Variants in UNC80 observed in about 807,000 individuals in gnomAD.
UNC80 encodes protein unc-80 homolog.
A neutral mutation model predicts 384.6 loss-of-function variants in UNC80; 164 were observed. The observed-to-expected ratio is 0.43, with a 90% confidence interval of 0.38 to 0.49. The LOEUF (loss-of-function observed/expected upper bound fraction) is 0.49. Among genes scored for constraint, UNC80 ranks in the 20% least tolerant of loss-of-function variants. The probability of loss-of-function intolerance (pLI) is 0.00; values close to 1 mark genes in which losing one functional copy is unlikely to be tolerated. For synonymous variants in UNC80, 1,486 were observed against 1,527.8 expected (o/e 0.97, Z 0.64); for missense variants, 3,330 against 4,143.0 (o/e 0.80, Z 5.39).
At chr2:209,772,223 G>T (rs1302354358) in intron 1 of UNC80, 59 bp downstream of exon 1, 3 of 1,068,226 alleles carry the variant, frequency 2.8e-6, no homozygotes, top group South Asian at 8.2e-5. Context: ...TCCTGGGGCC[G>T]CCCGGGTCGC....
At chr2:209,969,611 C>G in intron 52 of UNC80, 157 bp from the exon 53 acceptor site, 1 of 984,122 alleles carries the variant, frequency 1.0e-6, no homozygotes, top group Non-Finnish European at 1.4e-6. Flanking sequence ...ATCTTCTTCC[C>G]CTCCCAGTAT....
chr2:209,864,059 G>A (rs755090083), intron 22 of UNC80, among the ~76,000 whole-genome samples: 1 of 151,732 alleles, frequency 6.6e-6, no homozygotes, highest in Non-Finnish European at 1.5e-5. Flanking sequence ...TGCTGTTGTT[G>A]TTGCCTTCTG....
At chr2:209,884,818 G>C (rs2085626715) in intron 25 of UNC80, among the ~76,000 whole-genome samples, 1 of 152,080 alleles carries the variant, frequency 6.6e-6, no homozygotes, top group South Asian at 2.1e-4. Context: ...AACACCGCAT[G>C]TTCTCACTTA....
In UNC80 at chr2:209,996,593, A is replaced by G. The variant is rs2093486776; in HGVS notation, c.*998A>G. ...ACAATATTCTTATGATACTTGGAAC[A>G]TCTAAGTTTATAAGGAAAAATGTAT... On this transcript the variant is annotated 3_prime_UTR_variant, in exon 65 of 65. Transcript: ENST00000673920. 2 of 152,238 alleles carry G rather than the reference A, an allele frequency of 1.3e-5. No individual in the cohort carries two copies. The highest frequency in any genetic ancestry group is 4.1e-4 in the South Asian group (2 of 4,838). The allele number at this position is 152,238 out of a possible 1,614,324, so 9.4% of individuals were successfully genotyped here.
intron 4 of UNC80, among the ~76,000 whole-genome samples, chr2:209,784,831 T>C (rs1352206179): frequency 1.3e-5 from 2 of 152,238 alleles, no homozygotes; most frequent in African/African-American, 4.8e-5. Context: ...TTTAGCCAAA[T>C]GCTTTATGTG....
chr2:209,844,300 A>G (rs1223022162), intron 21 of UNC80, among the ~76,000 whole-genome samples: 1 of 152,166 alleles, frequency 6.6e-6, no homozygotes, highest in Non-Finnish European at 1.5e-5. Flanking sequence ...GCACTAAAGT[A>G]TAACTGAGGC....
chr2:209,958,328 AG>A (rs2092479189), intron 49 of UNC80, among the ~76,000 whole-genome samples: 1 of 152,180 alleles, frequency 6.6e-6, no homozygotes, highest in Non-Finnish European at 1.5e-5. Flanking sequence ...TCCTCCTACA[AG>A]GAAGATTTAA....
chr2:209,808,752 G>A, intron 7 of UNC80: 2 of 41,696 alleles, frequency 4.8e-5, no homozygotes, highest in Non-Finnish European at 7.7e-5. Context: ...CTAGTGAGTG[G>A]GTCGCCTGCG....
At chr2:209,914,135 C>T (rs1429108701) in intron 31 of UNC80, among the ~76,000 whole-genome samples, 195 bp downstream of exon 31, 1 of 152,192 alleles carries the variant, frequency 6.6e-6, no homozygotes, top group African/African-American at 2.4e-5. Context: ...CCAATTTCAC[C>T]ATATGGTCTG....
chr2:209,988,275 C>T (rs1296984490), intron 61 of UNC80, among the ~76,000 whole-genome samples: 3 of 152,112 alleles, frequency 2.0e-5, no homozygotes, highest in Non-Finnish European at 4.4e-5. Flanking sequence ...CTACATTTCT[C>T]TAAACCATAT....
chr2:209,931,729 C>A (rs2090891614), intron 38 of UNC80, among the ~76,000 whole-genome samples: 1 of 152,170 alleles, frequency 6.6e-6, no homozygotes, highest in African/African-American at 2.4e-5. Flanking sequence ...CACCACAACC[C>A]CCATGTGCAG....
At chr2:209,861,033 C>G (rs1000400865) in intron 22 of UNC80, among the ~76,000 whole-genome samples, 9 of 152,078 alleles carry the variant, frequency 5.9e-5, no homozygotes, top group African/African-American at 7.2e-5. Flanking sequence ...ATTTTAATAC[C>G]CCTTATTTCT....
chr2:209,954,151 G>A lies in UNC80; in HGVS notation c.7338G>A (p.Lys2446=). 6.4e-7 allele frequency: 1 copy of A among 1,551,102 alleles called. No homozygotes were observed. The highest frequency in any genetic ancestry group is 8.7e-7 in the Non-Finnish European group (1 of 1,146,922). ...CCTTAGTTCCATGTTACCTACAAAAGCTAAAGAGGCAGACATCACAGGTGG... is the reference window on the plus strand; with the variant it reads ...CCTTAGTTCCATGTTACCTACAAAAACTAAAGAGGCAGACATCACAGGTGG... ...LEALVPCYLQ[K]LKRQTSQVET... Residue 2446 remains lysine, a synonymous_variant, in exon 48 of 65, where the codon AAG becomes AAA. Coordinates refer to ENST00000673920, the MANE Select transcript of UNC80 (RefSeq NM_001371986.1).
In UNC80 at chr2:209,849,531, C is replaced by A. The variant is rs1467630889; in HGVS notation, c.3535C>A (p.Arg1179=). ...SKNVVNLGAI[R]QGMKRFQFLL... is the part of the protein sequence containing the mutation. The stretch of plus-strand genomic sequence containing the variant: ...AAACGTGGTGAATCTTGGAGCAATC[C>A]GACAAGGCATGAAACGCTTCCAATT... Residue 1179 remains arginine (R), a synonymous_variant, in exon 22 of 65, where the codon CGA becomes AGA. Transcript: ENST00000673920. 3 of 1,550,910 alleles carry A rather than the reference C, an allele frequency of 1.9e-6. No individual in the cohort carries two copies. The highest frequency in any genetic ancestry group is 8.7e-7 in the Non-Finnish European group (1 of 1,146,526).
At chr2:209,841,884 TAGAA>T (rs1374557372) in intron 20 of UNC80, among the ~76,000 whole-genome samples, 2 of 152,188 alleles carry the variant, frequency 1.3e-5, no homozygotes, top group South Asian at 2.1e-4. Flanking sequence ...TTTTAATTCT[TAGAA>T]AGAGAAACAT....
chr2:209,823,336 G>A (rs2080273000), intron 13 of UNC80, among the ~76,000 whole-genome samples: 1 of 152,148 alleles, frequency 6.6e-6, no homozygotes, highest in African/African-American at 2.4e-5. Flanking sequence ...AGTTTTAAAG[G>A]AGCTTATAAT....
rs1428742796 is a variant in UNC80, at chr2:209,921,663, C to T, written c.5507C>T (p.Pro1836Leu). The change falls in exon 34 of 65, where the codon CCC becomes CTC. Residue 1836 changes from proline to leucine, a missense_variant. By Grantham distance (98) the Pro-to-Leu change is moderately conservative. This residue lies in a region of UNC80 where 1,049 missense variants were observed against 1,488.6 expected (regional missense o/e 0.70). Coordinates refer to ENST00000673920, the MANE Select transcript of UNC80 (RefSeq NM_001371986.1). ...GCTTGCTATGAGCCCACATGCACGC[C>T]CAACTCAGAACCGGAAGAAGAAGGT... Reference protein sequence around the residue: ...QEACYEPTCTPNSEPEEEVEE... With the variant: ...QEACYEPTCTLNSEPEEEVEE... 5 of 1,551,084 alleles carry T rather than the reference C, an allele frequency of 3.2e-6. No individual in the cohort carries two copies. The South Asian group carries it at 6.0e-5, about 18-fold the overall frequency.
chr2:209,874,602 G>A (rs539414946), intron 23 of UNC80, among the ~76,000 whole-genome samples: 73 of 152,158 alleles, frequency 4.8e-4, no homozygotes, highest in Non-Finnish European at 6.5e-4. Context: ...GCACCTCTGT[G>A]CCTAATTCTC....
intron 44 of UNC80, 70 bp from the exon 45 acceptor site, chr2:209,943,310 A>C: frequency 6.6e-7 from 1 of 1,522,626 alleles, no homozygotes; most frequent in East Asian, 2.5e-5. Context: ...CATGACCATG[A>C]GTTTTAAAAG....
Sources: gnomAD v4.1 joint callset for allele counts (sites outside exome capture counted in the v4.1 genomes callset) on GRCh38, gnomAD v4.1.1 for gene constraint, gnomAD v4.1.1 regional missense constraint, MANE v1.5 for transcripts, NCBI Gene and HGNC (gene_info 2026-07-23, HGNC 2026-07-21) for gene names.